ARIH1: variants seen among roughly 807,000 people sequenced by gnomAD.
The protein encoded by ARIH1 is E3 ubiquitin-protein ligase ARIH1.
ARIH1 carries 8 observed loss-of-function variants against 85.0 expected under a neutral mutation model. That is an observed-to-expected ratio of 0.09 (90% CI 0.06 to 0.17). The LOEUF (loss-of-function observed/expected upper bound fraction) is 0.17. Ranked by LOEUF, ARIH1 falls within the 10% of genes least tolerant of loss-of-function variation. The probability of loss-of-function intolerance (pLI) is 1.00; values close to 1 mark genes in which losing one functional copy is unlikely to be tolerated. For missense variants in ARIH1, 311 were observed against 718.1 expected (o/e 0.43, Z 6.48); for synonymous variants, 238 against 253.6 (o/e 0.94, Z 0.59).
chr15:72,475,096 C>G, intron 1 of ARIH1, 82 bp downstream of exon 1: 1 of 1,519,216 alleles, frequency 6.6e-7, no homozygotes, highest in East Asian at 2.6e-5. Context: ...GAGGGACAGG[C>G]CTGGGCCTGG....
intron 1 of ARIH1, among the ~76,000 whole-genome samples, chr15:72,500,814 T>G (rs2063899754): frequency 6.6e-6 from 1 of 152,098 alleles, no homozygotes; most frequent in African/African-American, 2.4e-5. Flanking sequence ...CCTCAGAGGA[T>G]TAGAAATCAG....
At chr15:72,551,538 G>A (rs2064152931) in intron 3 of ARIH1, among the ~76,000 whole-genome samples, 1 of 152,124 alleles carries the variant, frequency 6.6e-6, no homozygotes, top group Non-Finnish European at 1.5e-5. Context: ...CAAATAAGGT[G>A]GATTATTTGA....
intron 1 of ARIH1, among the ~76,000 whole-genome samples, chr15:72,482,591 C>G (rs2063820561): frequency 6.6e-6 from 1 of 152,150 alleles, no homozygotes; most frequent in Non-Finnish European, 1.5e-5. Context: ...AGATTAAATA[C>G]TGTGATGAAA....
chr15:72,492,583 A>G (rs1357161588), intron 1 of ARIH1, among the ~76,000 whole-genome samples: 1 of 152,194 alleles, frequency 6.6e-6, no homozygotes, highest in Non-Finnish European at 1.5e-5. Flanking sequence ...TAATTTGGAA[A>G]TGTTCCTTTG....
intron 1 of ARIH1, among the ~76,000 whole-genome samples, chr15:72,502,797 C>T (rs1260233274): frequency 6.6e-6 from 1 of 151,970 alleles, no homozygotes; most frequent in African/African-American, 2.4e-5. Context: ...CAGAGCCAGA[C>T]CCTGTCTTAA....
chr15:72,569,563 C>T (rs2064234750), intron 9 of ARIH1, among the ~76,000 whole-genome samples: 1 of 152,074 alleles, frequency 6.6e-6, no homozygotes, highest in Non-Finnish European at 1.5e-5. Context: ...TATAATTTTT[C>T]TCTCCCTTAG....
At chr15:72,561,289 A>G (rs1338093275) in intron 5 of ARIH1, among the ~76,000 whole-genome samples, 194 bp from the exon 6 acceptor site, 1 of 152,214 alleles carries the variant, frequency 6.6e-6, no homozygotes, top group Non-Finnish European at 1.5e-5. Context: ...TGAAAATAAA[A>G]CTATACAAAC....
intron 2 of ARIH1, among the ~76,000 whole-genome samples, chr15:72,533,632 CAT>C (rs1555487347): frequency 2.6e-5 from 4 of 152,136 alleles, no homozygotes; most frequent in Non-Finnish European, 2.9e-5. Context: ...CATTGAAAGT[CAT>C]ATATAAAACT....
At chr15:72,530,363 G>A (rs956349972) in intron 2 of ARIH1, among the ~76,000 whole-genome samples, 7 of 152,154 alleles carry the variant, frequency 4.6e-5, no homozygotes, top group African/African-American at 1.4e-4. Context: ...AAGAGACTTA[G>A]CTGTGAGTTT....
Position 72,507,266 on chromosome 15 carries a change from C to T in ARIH1, c.376-10801C>T, listed in dbSNP as rs1371851579. Among the ~76,000 whole-genome samples, 7 of 152,114 alleles carry T rather than the reference C, an allele frequency of 4.6e-5. No homozygotes were observed. In the South Asian group the frequency reaches 6.2e-4, roughly 14 times the overall value. On this transcript the variant is annotated intron_variant, in intron 1 of 13. Coordinates refer to ENST00000379887, the MANE Select transcript of ARIH1 (RefSeq NM_005744.5). ...TCTCGAACTCTGACCTCAAGTGATC[C>T]GCCTGCCTTGGCCTCCCAAAGTGCT...
intron 1 of ARIH1, among the ~76,000 whole-genome samples, chr15:72,479,683 G>A (rs377735892): frequency 6.6e-6 from 1 of 152,146 alleles, no homozygotes. Context: ...TGGGATTACA[G>A]GCGTGAGCCA....
intron 12 of ARIH1, 84 bp downstream of exon 12, chr15:72,581,075 AG>A: frequency 1.4e-6 from 2 of 1,433,236 alleles, no homozygotes; most frequent in Non-Finnish European, 1.9e-6. Context: ...CAGAGTTTTC[AG>A]GGTTCTTGTT....
intron 1 of ARIH1, among the ~76,000 whole-genome samples, chr15:72,503,070 A>G (rs1174848725): frequency 6.6e-6 from 1 of 152,208 alleles, no homozygotes; most frequent in Non-Finnish European, 1.5e-5. Context: ...CCTTAGCCCC[A>G]CTAGGTGCTT....
Position 72,563,492 on chromosome 15 carries a change from C to G in ARIH1, c.903C>G (p.Arg301=). The G allele has an allele frequency of 6.2e-7, 1 of 1,613,504 alleles. No individual in the cohort carries two copies. The highest frequency in any genetic ancestry group is 8.5e-7 in the Non-Finnish European group (1 of 1,179,512). The part of the protein sequence containing the change: ...DAKPVRCKCG[R]QFCFNCGENW... ...AACCTGTTCGCTGCAAATGTGGGCGCCAATTTTGGTAAGCAAGTGATTTCC... is the reference window on the plus strand; with the variant it reads ...AACCTGTTCGCTGCAAATGTGGGCGGCAATTTTGGTAAGCAAGTGATTTCC... The change falls in exon 7 of 14, where the codon CGC becomes CGG. Residue 301 remains arginine (R), a synonymous_variant. Coordinates refer to ENST00000379887, the MANE Select transcript of ARIH1 (RefSeq NM_005744.5).
intron 1 of ARIH1, among the ~76,000 whole-genome samples, chr15:72,475,890 C>T (rs995590359): frequency 2.3e-4 from 35 of 152,156 alleles, no homozygotes; most frequent in African/African-American, 7.9e-4. Context: ...CTCATTTAAC[C>T]ATGTGCGTCA....
At chr15:72,531,505 T>C (rs1404164260) in intron 2 of ARIH1, among the ~76,000 whole-genome samples, 39 of 152,074 alleles carry the variant, frequency 2.6e-4, no homozygotes, top group Admixed American at 2.6e-3. Context: ...TGACCTCAGG[T>C]GATGTGCCTG....
intron 1 of ARIH1, among the ~76,000 whole-genome samples, chr15:72,476,450 C>T (rs1200861301): frequency 2.2e-4 from 34 of 152,136 alleles, no homozygotes; most frequent in Non-Finnish European, 4.4e-5. Context: ...CTGCAACCTC[C>T]GCCTGCCGGG....
In ARIH1 at chr15:72,529,980, GA is replaced by G. The variant is rs377574892; in HGVS notation, c.443+11853del. 5.0e-4 allele frequency among the ~76,000 whole-genome samples: 76 copies of G among 152,156 alleles called. 2 individuals carry two copies. In the East Asian group the frequency reaches 0.014, roughly 27 times the overall value. ...ATAGTGATGGAAAAGCATTATTTCA[GA>G]AAAAAATCTAGTAATAAATGAGCTG... On this transcript the variant is annotated intron_variant, in intron 2 of 13. Coordinates refer to ENST00000379887, the MANE Select transcript of ARIH1 (RefSeq NM_005744.5).
intron 2 of ARIH1, among the ~76,000 whole-genome samples, chr15:72,528,262 T>C (rs1289728194): frequency 6.6e-6 from 1 of 152,208 alleles, no homozygotes; most frequent in Non-Finnish European, 1.5e-5. Context: ...AACTTAATTA[T>C]ACTTGGACAG....
Sources: allele counts gnomAD v4.1 joint callset (sites outside exome capture counted in the v4.1 genomes callset), GRCh38; gene constraint gnomAD v4.1.1; transcripts MANE v1.5; gene names NCBI Gene and HGNC (gene_info 2026-07-23, HGNC 2026-07-21).